Variants in TTC6 observed in about 807,000 individuals in gnomAD.
TTC6 encodes tetratricopeptide repeat protein 6.
TTC6 carries 172 observed loss-of-function variants against 210.4 expected under a neutral mutation model. The ratio of observed to expected loss-of-function variants is 0.82; its 90% CI spans 0.72 to 0.93. The LOEUF is 0.93. Among genes scored for constraint, TTC6 ranks in the 40% least tolerant of loss-of-function variants. The probability of loss-of-function intolerance (pLI) is 0.00; values close to 1 mark genes in which losing one functional copy is unlikely to be tolerated. For missense variants in TTC6, 2,414 were observed against 2,318.1 expected (o/e 1.04, Z -0.85); for synonymous variants, 804 against 819.6 (o/e 0.98, Z 0.32).
At chr14:37,824,937 A>G (rs1416753224) in intron 27 of TTC6, among the ~76,000 whole-genome samples, 1 of 152,150 alleles carries the variant, frequency 6.6e-6, no homozygotes, top group Non-Finnish European at 1.5e-5. Context: ...CCAGTTAAAA[A>G]TGTGAATTGC....
intron 26 of TTC6, among the ~76,000 whole-genome samples, chr14:37,821,772 C>CTTTTTTTTTTTTTT (rs35078384): frequency 2.9e-5 from 2 of 69,148 alleles, no homozygotes; most frequent in African/African-American, 6.7e-5. Context: ...AAGAGCTAGT[C>CTTTTTTTTTTTTTT]TTTTTTTTTT....
chr14:37,740,703 C>T (rs1957574), intron 10 of TTC6, among the ~76,000 whole-genome samples: 95,807 of 152,036 alleles, frequency 0.63, 31,371 homozygotes, highest in East Asian at 0.89. Context: ...GCAACAAATA[C>T]AGTATCTGGA....
In TTC6 at chr14:37,676,204, T is replaced by C. The variant is rs571908632; in HGVS notation, c.940-3947T>C. 1.6e-4 allele frequency among the ~76,000 whole-genome samples: 24 copies of C among 152,184 alleles called. No homozygotes were observed. In the South Asian group the frequency reaches 3.1e-3, roughly 20 times the overall value. ...TTGTTGACACTAAAGAATGATTAGT[T>C]AGAGGATCATGGTCAGAGATAGTGG... On this transcript the variant is annotated intron_variant, in intron 1 of 30. Transcript: ENST00000553443.
intron 14 of TTC6, among the ~76,000 whole-genome samples, chr14:37,761,501 A>G (rs138743367): frequency 2.0e-5 from 3 of 152,118 alleles, no homozygotes; most frequent in Non-Finnish European, 4.4e-5. Context: ...TATATCCAGA[A>G]AAGTGTACAA....
chr14:37,722,037 A>G (rs1282660904), intron 6 of TTC6, among the ~76,000 whole-genome samples: 2 of 151,584 alleles, frequency 1.3e-5, no homozygotes, highest in African/African-American at 2.4e-5. Context: ...ATTCTGCCTT[A>G]GGTTTCATTT....
chr14:37,720,746 A>G (rs35169093), intron 6 of TTC6, among the ~76,000 whole-genome samples: 1 of 152,150 alleles, frequency 6.6e-6, no homozygotes, highest in Non-Finnish European at 1.5e-5. Flanking sequence ...AAGATTACAT[A>G]CTGTGTAATT....
At chr14:37,813,140 G>A (rs2096133502) in intron 25 of TTC6, among the ~76,000 whole-genome samples, 1 of 152,082 alleles carries the variant, frequency 6.6e-6, no homozygotes, top group Non-Finnish European at 1.5e-5. Context: ...ACATTATGGA[G>A]TGGAGTGCAT....
intron 3 of TTC6, among the ~76,000 whole-genome samples, chr14:37,695,495 C>T (rs964358669): frequency 6.6e-6 from 1 of 152,060 alleles, no homozygotes; most frequent in African/African-American, 2.4e-5. Flanking sequence ...GCTGGGATTA[C>T]AGGCATGCAC....
chr14:37,707,896 A>G (rs1482411777), intron 5 of TTC6, among the ~76,000 whole-genome samples: 1 of 152,106 alleles, frequency 6.6e-6, no homozygotes, highest in African/African-American at 2.4e-5. Context: ...TAGGAGAACC[A>G]GAGATGCAGG....
At chr14:37,672,420 G>T (rs186881535) in intron 1 of TTC6, among the ~76,000 whole-genome samples, 1 of 151,832 alleles carries the variant, frequency 6.6e-6, no homozygotes, top group Non-Finnish European at 1.5e-5. Flanking sequence ...ATTATTCTTC[G>T]TCTGTTGTTT....
At chr14:37,799,828 A>G (rs902083692) in intron 20 of TTC6, among the ~76,000 whole-genome samples, 1 of 152,114 alleles carries the variant, frequency 6.6e-6, no homozygotes, top group Non-Finnish European at 1.5e-5. Flanking sequence ...AAGTTTTCAG[A>G]TGAGAATGTA....
At chr14:37,665,415 CAT>C (rs1413392522) in intron 1 of TTC6, among the ~76,000 whole-genome samples, 2 of 150,598 alleles carry the variant, frequency 1.3e-5, no homozygotes, top group South Asian at 2.1e-4. Context: ...CCAAACACCA[CAT>C]GTTGTCACTT....
chr14:37,766,953 C>T (rs1266884282), intron 14 of TTC6, among the ~76,000 whole-genome samples: 1 of 127,192 alleles, frequency 7.9e-6, no homozygotes, highest in African/African-American at 2.6e-5. Context: ...CCTCTCCCCT[C>T]CCCACATCCC....
At chr14:37,655,223 A>C (rs192079345) in intron 1 of TTC6, among the ~76,000 whole-genome samples, 1 of 152,342 alleles carries the variant, frequency 6.6e-6, no homozygotes, top group East Asian at 1.9e-4. Flanking sequence ...AAAGATAAAT[A>C]TTTACGATAA....
chr14:37,816,478 G>A (rs1184010571), intron 25 of TTC6, among the ~76,000 whole-genome samples: 1 of 152,148 alleles, frequency 6.6e-6, no homozygotes, highest in Non-Finnish European at 1.5e-5. Context: ...AAGGAAGCCT[G>A]GAGGGATTTC....
At position 37,779,002 on chromosome 14, in the gene TTC6, G is replaced by T. The variant is rs2096046679; in HGVS notation, c.3267-8466G>T. Among the ~76,000 whole-genome samples the T allele has an allele frequency of 2.0e-5, 3 of 152,138 alleles. No individual in the cohort carries two copies. The South Asian group carries it at 6.2e-4, about 32-fold the overall frequency. On this transcript the variant is annotated intron_variant, in intron 14 of 30. Transcript: ENST00000553443. ...TCCTGCTCCAAACCCTCTGGGCTTT[G>T]CACAAGCTGGAATTTTGCCCCACCA...
chr14:37,680,298 A>G (rs1238971981), intron 2 of TTC6, 37 bp downstream of exon 4: 1 of 1,293,702 alleles, frequency 7.7e-7, no homozygotes, highest in Non-Finnish European at 1.1e-6. Context: ...TGCCTCTGTT[A>G]AAGTAACAGC....
Position 37,634,898 on chromosome 14 carries a change from A to G in TTC6, c.939+11895A>G, listed in dbSNP as rs180907503. 2.3e-3 allele frequency among the ~76,000 whole-genome samples: 348 copies of G among 152,338 alleles called. 1 individual carries two copies. The highest frequency in any genetic ancestry group is 3.5e-3 in the South Asian group (17 of 4,826). ...ATAATTTCCTAAGAATGAAGGGGAA[A>G]TCAACACATTCTCAGATGAAGTAAA... On this transcript the variant is annotated intron_variant, in intron 1 of 30. Transcript: ENST00000553443.
At position 37,708,726 on chromosome 14, in the gene TTC6, A is replaced by G. The variant is rs1021642745; in HGVS notation, c.1572-5929A>G. 2.6e-5 allele frequency among the ~76,000 whole-genome samples: 4 copies of G among 152,164 alleles called. No individual in the cohort carries two copies. The South Asian group carries it at 6.2e-4, about 24-fold the overall frequency. On this transcript the variant is annotated intron_variant, in intron 5 of 30. Coordinates refer to ENST00000553443, the Ensembl canonical transcript of TTC6. ...TGCCCTTGGTGGTTTGTATTTGACC[A>G]ATTGTGAACCAATTTTGGAAGCAGG...
Sources: gnomAD v4.1 joint callset for allele counts (sites outside exome capture counted in the v4.1 genomes callset) on GRCh38, gnomAD v4.1.1 for gene constraint, MANE v1.5 for transcripts, NCBI Gene and HGNC (gene_info 2026-07-23, HGNC 2026-07-21) for gene names.